The following TAF3 variants were observed in gnomAD, a reference collection of about 807,000 sequenced individuals.
The protein encoded by TAF3 is TATA-box binding protein associated factor 3, also known as transcription initiation factor TFIID subunit 3.
A neutral mutation model predicts 80.6 loss-of-function variants in TAF3; 7 were observed. The observed-to-expected ratio is 0.09, with a 90% CI of 0.05 to 0.16. The LOEUF (loss-of-function observed/expected upper bound fraction) is 0.16. Ranked by LOEUF, TAF3 falls within the 10% of genes least tolerant of loss-of-function variation. The probability of loss-of-function intolerance (pLI) is 1.00; values close to 1 mark genes in which losing one functional copy is unlikely to be tolerated. For missense variants in TAF3, 921 were observed against 1,140.2 expected, an observed-to-expected ratio of 0.81 and a Z score of 2.77; for synonymous variants, 444 against 446.1, an observed-to-expected ratio of 1.00 and a Z score of 0.06.
chr10:7,822,063 A>G (rs774822728), intron 1 of TAF3, among the ~76,000 whole-genome samples: 1 of 152,180 alleles, frequency 6.6e-6, no homozygotes, highest in South Asian at 2.1e-4. Flanking sequence ...AAAGAATTAA[A>G]ACATGTAGTA....
intron 4 of TAF3, among the ~76,000 whole-genome samples, chr10:7,987,795 C>A (rs1033626028): frequency 6.6e-6 from 1 of 152,172 alleles, no homozygotes; most frequent in Non-Finnish European, 1.5e-5. Context: ...CCTGTGAGTT[C>A]ATTTCATAGA....
At chr10:7,872,601 T>TTATAATATC (rs1837277919) in intron 2 of TAF3, among the ~76,000 whole-genome samples, 2 of 152,346 alleles carry the variant, frequency 1.3e-5, no homozygotes, top group African/African-American at 4.8e-5. Flanking sequence ...TGTGCCATAG[T>TTATAATATC]TATAATATCT....
chr10:8,009,000 A>G, intron 4 of TAF3, 78 bp from the exon 5 acceptor site: 1 of 1,515,012 alleles, frequency 6.6e-7, no homozygotes, highest in Non-Finnish European at 8.9e-7. Context: ...AAGCTATTTT[A>G]CGATCATGTT....
At position 8,009,910 on chromosome 10, in the gene TAF3, G is replaced by C. The variant is rs541365605; in HGVS notation, c.2568+580G>C. Among the ~76,000 whole-genome samples the C allele has an allele frequency of 3.3e-5, 5 of 151,422 alleles. No individual in the cohort carries two copies. The highest frequency in any genetic ancestry group is 7.4e-5 in the Non-Finnish European group (5 of 67,892). ...TGTGGGATTACAGGCATGAGCCACCGTGCCCGGCTTTTTTTTTTTGAAAGG... is the reference window on the plus strand; with the variant it reads ...TGTGGGATTACAGGCATGAGCCACCCTGCCCGGCTTTTTTTTTTTGAAAGG... On this transcript the variant is annotated intron_variant, in intron 5 of 6. Coordinates refer to ENST00000344293, the MANE Select transcript of TAF3 (RefSeq NM_031923.4). This position sits in a 1 kb window ranked among gnomAD's most constrained non-coding sequence, Gnocchi z 4.1.
At chr10:7,925,710 AATC>A in intron 2 of TAF3, among the ~76,000 whole-genome samples, 1 of 151,148 alleles carries the variant, frequency 6.6e-6, no homozygotes, top group South Asian at 2.1e-4. Flanking sequence ...GAGGCAGGAG[AATC>A]ATTTGAACCT....
At chr10:7,885,798 A>G (rs958299481) in intron 2 of TAF3, among the ~76,000 whole-genome samples, 5 of 152,236 alleles carry the variant, frequency 3.3e-5, no homozygotes, top group Non-Finnish European at 5.9e-5. Context: ...TTTTCTCTAA[A>G]TGGAGGCTCC....
chr10:7,825,505 C>T lies in TAF3; in HGVS notation c.409+945C>T, dbSNP rs1028218846. Among the ~76,000 whole-genome samples the T allele has an allele frequency of 5.3e-5, 8 of 152,212 alleles. No individual in the cohort carries two copies. The South Asian group carries it at 8.3e-4, about 16-fold the overall frequency. ...CATAACTCCCCATTCTCCACCACTT[C>T]CAGCCCCTGGCAACCACCATTCCTT... On this transcript the variant is annotated intron_variant, in intron 2 of 6. Transcript: ENST00000344293.
intron 2 of TAF3, among the ~76,000 whole-genome samples, chr10:7,937,987 G>A (rs553118742): frequency 6.6e-6 from 1 of 152,284 alleles, no homozygotes; most frequent in East Asian, 1.9e-4. Context: ...GCCGCTTAGA[G>A]GGGATTTTGC....
At chr10:7,823,945 TAAA>T (rs201897666) in intron 1 of TAF3, among the ~76,000 whole-genome samples, 85 of 144,120 alleles carry the variant, frequency 5.9e-4, no homozygotes, top group Non-Finnish European at 7.6e-4. Context: ...TGCCATCTCT[TAAA>T]AAAAAAAAAA....
intron 4 of TAF3, among the ~76,000 whole-genome samples, chr10:7,980,473 A>G (rs959555291): frequency 6.6e-6 from 1 of 152,184 alleles, no homozygotes; most frequent in East Asian, 1.9e-4. Flanking sequence ...AAAGGAGTCA[A>G]TGGTGAGTCC....
chr10:7,938,447 T>C (rs1417248401), intron 2 of TAF3, among the ~76,000 whole-genome samples: 1 of 152,156 alleles, frequency 6.6e-6, no homozygotes, highest in Non-Finnish European at 1.5e-5. Flanking sequence ...AGGAGATTTT[T>C]TGAAGGGAAA....
intron 2 of TAF3, among the ~76,000 whole-genome samples, chr10:7,893,271 C>T (rs992435071): frequency 6.6e-6 from 1 of 152,126 alleles, no homozygotes; most frequent in Non-Finnish European, 1.5e-5. Context: ...TGAAAGAAAG[C>T]TTTGTTATTT....
At chr10:7,921,585 T>G (rs1837762651) in intron 2 of TAF3, among the ~76,000 whole-genome samples, 1 of 152,206 alleles carries the variant, frequency 6.6e-6, no homozygotes, top group African/African-American at 2.4e-5. Flanking sequence ...TTTCAACTTT[T>G]GTTGCACTTA....
intron 4 of TAF3, among the ~76,000 whole-genome samples, chr10:7,984,430 G>A (rs140664244): frequency 6.6e-6 from 1 of 152,186 alleles, no homozygotes; most frequent in Non-Finnish European, 1.5e-5. Context: ...CATAGATGCC[G>A]CATTAGAAGA....
chr10:7,966,669 A>G (rs116305342), intron 3 of TAF3, among the ~76,000 whole-genome samples: 1,689 of 152,294 alleles, frequency 0.011, 31 homozygotes, highest in African/African-American at 0.038. Flanking sequence ...CTTGGCCACA[A>G]AATAATACCC....
chr10:7,998,284 T>TAA (rs1831910284), intron 4 of TAF3, among the ~76,000 whole-genome samples: 1 of 143,452 alleles, frequency 7.0e-6, no homozygotes, highest in Admixed American at 7.0e-5. Context: ...TATATATATA[T>TAA]AAATTTAAAA....
At chr10:7,876,284 A>G (rs1837311314) in intron 2 of TAF3, among the ~76,000 whole-genome samples, 1 of 152,172 alleles carries the variant, frequency 6.6e-6, no homozygotes, top group Non-Finnish European at 1.5e-5. Context: ...AAATTTAACA[A>G]GATTAATTAT....
chr10:7,951,966 T>A (rs929067393), intron 2 of TAF3, among the ~76,000 whole-genome samples: 4 of 152,164 alleles, frequency 2.6e-5, no homozygotes, highest in African/African-American at 9.7e-5. Context: ...GTCTTATTCC[T>A]GGGGTGGGGA....
At chr10:7,865,378 C>T (rs898558408) in intron 2 of TAF3, among the ~76,000 whole-genome samples, 6 of 152,044 alleles carry the variant, frequency 3.9e-5, no homozygotes, top group African/African-American at 1.4e-4. Flanking sequence ...ACTCGGGAGG[C>T]TGAGGCAGGA....
Sources: gnomAD v4.1 joint callset for allele counts (sites outside exome capture counted in the v4.1 genomes callset) on GRCh38, gnomAD v4.1.1 for gene constraint, Gnocchi (gnomAD v3.1) non-coding constraint, MANE v1.5 for transcripts, NCBI Gene and HGNC (gene_info 2026-07-23, HGNC 2026-07-21) for gene names.